GALNT9: variants seen among roughly 807,000 people sequenced by gnomAD.
The protein encoded by GALNT9 is polypeptide N-acetylgalactosaminyltransferase 9, also known as GalNAc transferase 9.
A neutral mutation model predicts 63.1 loss-of-function variants in GALNT9; 47 were observed. The observed-to-expected ratio is 0.75, with a 90% CI of 0.59 to 0.95. GALNT9 has a LOEUF of 0.95. Ranked by LOEUF, GALNT9 falls within the 40% of genes least tolerant of loss-of-function variation. The pLI, the probability that GALNT9 is intolerant of heterozygous loss-of-function variation, is 0.00. For synonymous variants in GALNT9, 396 were observed against 365.7 expected, an observed-to-expected ratio of 1.08 and a Z score of -0.94; for missense variants, 829 against 874.8, an observed-to-expected ratio of 0.95 and a Z score of 0.66.
chr12:132,201,945 C>G (rs1462319349), intron 7 of GALNT9, among the ~76,000 whole-genome samples: 1 of 152,154 alleles, frequency 6.6e-6, no homozygotes, highest in Admixed American at 6.5e-5. Context: ...GACAGCCAGC[C>G]CTGAGGGAGC....
chr12:132,224,905 C>T (rs1326690393), intron 6 of GALNT9, among the ~76,000 whole-genome samples: 1 of 147,298 alleles, frequency 6.8e-6, no homozygotes, highest in Non-Finnish European at 1.5e-5. Flanking sequence ...ACTGCACACA[C>T]TGTATATACA....
intron 5 of GALNT9, among the ~76,000 whole-genome samples, chr12:132,254,781 C>T (rs567393351): frequency 1.3e-5 from 2 of 152,330 alleles, no homozygotes; most frequent in African/African-American, 2.4e-5. Flanking sequence ...CTCCCTCTCC[C>T]GTAAGGACCC....
intron 7 of GALNT9, 96 bp from the exon 8 acceptor site, chr12:132,201,357 C>G: frequency 1.4e-6 from 1 of 739,698 alleles, no homozygotes; most frequent in Non-Finnish European, 2.3e-6. Context: ...ACCAAGTGCC[C>G]TCACAGGAGC....
At chr12:132,209,018 C>CTG (rs1876840293) in intron 6 of GALNT9, among the ~76,000 whole-genome samples, 1 of 152,192 alleles carries the variant, frequency 6.6e-6, no homozygotes, top group Non-Finnish European at 1.5e-5. Context: ...GTGACGATGC[C>CTG]TGTGGTCACC....
rs556231014 is a variant in GALNT9, at chr12:132,296,184, C to T, written c.239-9754G>A. Reference sequence around the variant, plus strand: ...ACAGGGAGAGCCTCCGGAATAGGGACGGCCTCCGAACAGGGAGAGTGTCCG... The same window carrying T: ...ACAGGGAGAGCCTCCGGAATAGGGATGGCCTCCGAACAGGGAGAGTGTCCG... On this transcript the variant is annotated intron_variant, in intron 1 of 10. Transcript: ENST00000328957. The surrounding 1 kb of genome is among the most constrained non-coding windows in gnomAD (Gnocchi z 4.2). 2.0e-5 allele frequency among the ~76,000 whole-genome samples: 3 copies of T among 151,754 alleles called. No homozygotes were observed. Among genetic ancestry groups the T allele is most frequent in the African/African-American group, 7.3e-5 (3 of 41,290 alleles).
At chr12:132,227,025 T>TAC (rs1239552205) in intron 6 of GALNT9, among the ~76,000 whole-genome samples, 4 of 146,806 alleles carry the variant, frequency 2.7e-5, no homozygotes, top group Non-Finnish European at 6.0e-5. Context: ...ATACACCCCA[T>TAC]ACACACACAC....
intron 6 of GALNT9, among the ~76,000 whole-genome samples, chr12:132,233,479 T>A: frequency 5.1e-5 from 2 of 39,228 alleles, no homozygotes; most frequent in East Asian, 9.4e-4. Flanking sequence ...CTCGATGGCG[T>A]GAGAGAGGAG....
In GALNT9 at chr12:132,214,608, G is replaced by GC. The variant is rs561748510; in HGVS notation, c.1078-10919dup. ...GAGCTGCTGAGACGATGGAAGCCAG[G>GC]CCCCCCAGGCCTGCTCACCCGGCCT... is the stretch of plus-strand genomic sequence containing the variant. On this transcript the variant is annotated intron_variant, in intron 6 of 10. Transcript: ENST00000328957. Among the ~76,000 whole-genome samples, 400 of 152,314 alleles carry GC rather than the reference G, an allele frequency of 2.6e-3. 2 individuals are homozygous for GC. Among genetic ancestry groups the GC allele is most frequent in the Middle Eastern group, 6.8e-3 (2 of 294 alleles).
At chr12:132,219,697 CGGGT>C (rs1877360500) in intron 6 of GALNT9, among the ~76,000 whole-genome samples, 6 of 125,900 alleles carry the variant, frequency 4.8e-5, no homozygotes, top group African/African-American at 1.5e-4. Context: ...GACACCCGCC[CGGGT>C]AAGGGGAAGG....
rs1170634147 is a variant in GALNT9 at position 132,238,093 on chromosome 12, G to A, written c.1077+9817C>T. Among the ~76,000 whole-genome samples, 3 of 152,196 alleles carry A rather than the reference G, an allele frequency of 2.0e-5. No homozygotes were observed. Among genetic ancestry groups the A allele is most frequent in the Non-Finnish European group, 4.4e-5 (3 of 68,042 alleles). On this transcript the variant is annotated intron_variant, in intron 6 of 10. Transcript: ENST00000328957. This position sits in a 1 kb window ranked among gnomAD's most constrained non-coding sequence, Gnocchi z 6.5. ...CGTGTGTTTCCTGTGGCTGCCGTCC[G>A]CCACGAATTCCACAGCTCGGTGGCT... is the stretch of plus-strand genomic sequence containing the variant.
chr12:132,251,756 C>T (rs376669433), intron 5 of GALNT9, among the ~76,000 whole-genome samples: 5 of 152,172 alleles, frequency 3.3e-5, no homozygotes, highest in African/African-American at 7.2e-5. Flanking sequence ...GAATAATTTC[C>T]GAGTGGTTCT....
intron 2 of GALNT9, among the ~76,000 whole-genome samples, chr12:132,270,037 C>T (rs1032393781): frequency 1.3e-4 from 20 of 152,342 alleles, no homozygotes; most frequent in African/African-American, 4.3e-4. Flanking sequence ...TCAAAGAAAA[C>T]TGCTCCTGAG....
intron 1 of GALNT9, among the ~76,000 whole-genome samples, chr12:132,305,372 CA>C: frequency 1.7e-5 from 1 of 57,500 alleles, no homozygotes; most frequent in Non-Finnish European, 3.2e-5. Context: ...CACCCGGGCA[CA>C]CCCTCACCCG....
intron 7 of GALNT9, 125 bp downstream of exon 7, chr12:132,203,380 A>T: frequency 2.6e-6 from 2 of 776,532 alleles, no homozygotes; most frequent in Non-Finnish European, 4.1e-6. Flanking sequence ...ACCTGTGCAC[A>T]CCTGTCAACA....
intron 1 of GALNT9, among the ~76,000 whole-genome samples, chr12:132,317,105 C>T (rs889238615): frequency 2.8e-4 from 42 of 151,416 alleles, no homozygotes; most frequent in African/African-American, 9.5e-4. Context: ...CCACAGAGCA[C>T]AGCCTGCACC....
chr12:132,207,264 C>CA (rs1876752365), intron 6 of GALNT9, among the ~76,000 whole-genome samples: 1 of 152,198 alleles, frequency 6.6e-6, no homozygotes, highest in Admixed American at 6.5e-5. Flanking sequence ...CTCCGCAGGA[C>CA]AGGGTTTCTG....
rs1188098001 is a variant in GALNT9 at position 132,286,058 on chromosome 12, G to T, written c.419+192C>A. ...GGCAGTCCCCGGCCAGCACGGGGGA[G>T]CGCTCACTTTCCCGGCCAGCGTGGG... On this transcript the variant is annotated intron_variant, in intron 2 of 10. Coordinates refer to ENST00000328957, the MANE Select transcript of GALNT9 (RefSeq NM_001122636.2). The surrounding 1 kb of genome is among the most constrained non-coding windows in gnomAD (Gnocchi z 7.4). Among the ~76,000 whole-genome samples the T allele has an allele frequency of 6.6e-6, 1 of 151,988 alleles. No homozygotes were observed. Among genetic ancestry groups the T allele is most frequent in the African/African-American group, 2.4e-5 (1 of 41,420 alleles).
At chr12:132,326,733 C>T (rs1054348240) in intron 1 of GALNT9, among the ~76,000 whole-genome samples, 2 of 152,222 alleles carry the variant, frequency 1.3e-5, no homozygotes, top group East Asian at 3.8e-4. Context: ...TGGGAGCTCC[C>T]AGGAATCAAT....
intron 1 of GALNT9, among the ~76,000 whole-genome samples, chr12:132,299,329 C>T (rs1266792025): frequency 2.6e-3 from 341 of 129,472 alleles, no homozygotes; most frequent in Middle Eastern, 0.011. Flanking sequence ...CTGAGATAAC[C>T]AAGCCACTGC....
Sources: allele counts gnomAD v4.1 joint callset (sites outside exome capture counted in the v4.1 genomes callset), GRCh38; gene constraint gnomAD v4.1.1; non-coding constraint Gnocchi (gnomAD v3.1); transcripts MANE v1.5; gene names NCBI Gene and HGNC (gene_info 2026-07-23, HGNC 2026-07-21).